The following LDLRAD4 variants were observed in gnomAD, a reference collection of about 807,000 sequenced individuals.
LDLRAD4 encodes the protein low-density lipoprotein receptor class A domain-containing protein 4.
LDLRAD4 carries 5 observed loss-of-function variants against 17.0 expected under a neutral mutation model. That is an observed-to-expected ratio of 0.29 (90% CI 0.15 to 0.62). The LOEUF (loss-of-function observed/expected upper bound fraction) is 0.62, where lower values mean the gene tolerates loss of function less well. Ranked by LOEUF, LDLRAD4 falls within the 20% of genes least tolerant of loss-of-function variation. The pLI, the probability that LDLRAD4 is intolerant of heterozygous loss-of-function variation, is 0.84. For synonymous variants in LDLRAD4, 168 were observed against 171.8 expected (o/e 0.98, Z 0.17); for missense variants, 340 against 424.7 (o/e 0.80, Z 1.75).
At chr18:13,366,721 G>A (rs1412892658) in intron 1 of LDLRAD4, among the ~76,000 whole-genome samples, 1 of 152,164 alleles carries the variant, frequency 6.6e-6, no homozygotes, top group Non-Finnish European at 1.5e-5. Context: ...GAGGGTGTTA[G>A]CTGCTGCAGT....
intron 3 of LDLRAD4, among the ~76,000 whole-genome samples, chr18:13,540,822 A>C (rs2094270984): frequency 6.6e-6 from 1 of 152,204 alleles, no homozygotes; most frequent in Non-Finnish European, 1.5e-5. Flanking sequence ...ATAAGATGGA[A>C]GGTTCTGGGT....
At chr18:13,325,104 C>T (rs983374539) in intron 1 of LDLRAD4, among the ~76,000 whole-genome samples, 2 of 152,178 alleles carry the variant, frequency 1.3e-5, no homozygotes, top group Admixed American at 6.5e-5. Context: ...GAGCTGTTAA[C>T]TTACATTGTT....
intron 1 of LDLRAD4, among the ~76,000 whole-genome samples, chr18:13,282,292 C>T (rs565157268): frequency 6.6e-6 from 1 of 152,282 alleles, no homozygotes; most frequent in Admixed American, 6.5e-5. Flanking sequence ...CCAATAGTCC[C>T]CCAAAGTCTT....
chr18:13,419,038 G>C (rs1310236091), intron 2 of LDLRAD4, among the ~76,000 whole-genome samples: 1 of 152,162 alleles, frequency 6.6e-6, no homozygotes, highest in Admixed American at 6.5e-5. Flanking sequence ...GCTTCAATTG[G>C]AATGTATTTG....
At chr18:13,611,405 CACCCCGTGATTTTCTCT>C in intron 3 of LDLRAD4, 1 of 965,760 alleles carries the variant, frequency 1.0e-6, no homozygotes, top group Non-Finnish European at 1.2e-6. Flanking sequence ...CCACCACGGC[CACCCCGTGATTTTCTCT>C]GAAAACTGCG....
At chr18:13,615,974 A>G (rs894691841) in intron 3 of LDLRAD4, 1 of 152,174 alleles carries the variant, frequency 6.6e-6, no homozygotes, top group Non-Finnish European at 1.5e-5. Flanking sequence ...CATCCTATTA[A>G]TTTTCTAAGA....
At chr18:13,299,003 A>T (rs560632676) in intron 1 of LDLRAD4, among the ~76,000 whole-genome samples, 1 of 152,192 alleles carries the variant, frequency 6.6e-6, no homozygotes, top group South Asian at 2.1e-4. Context: ...TAGAGTCATG[A>T]TTTTACGTAG....
chr18:13,470,608 C>T (rs2092741660), intron 3 of LDLRAD4, among the ~76,000 whole-genome samples: 1 of 149,310 alleles, frequency 6.7e-6, no homozygotes, highest in Admixed American at 6.7e-5. Context: ...GTTAGTGAGT[C>T]AGTCACTGTC....
In LDLRAD4 at chr18:13,484,496, G is replaced by A. The variant is rs116446894; in HGVS notation, c.181+46112G>A. 6.2e-3 allele frequency among the ~76,000 whole-genome samples: 943 copies of A among 152,058 alleles called. 11 individuals carry two copies. The highest frequency in any genetic ancestry group is 0.022 in the African/African-American group (906 of 41,468). On this transcript the variant is annotated intron_variant, in intron 3 of 5. Coordinates refer to ENST00000359446, the Ensembl canonical transcript of LDLRAD4. ...GGTTCGGTGGTGTGCCAGCTACTCC[G>A]AGCTACTTGGGAGGCTGAAGTGGGA...
intron 3 of LDLRAD4, among the ~76,000 whole-genome samples, chr18:13,478,556 A>G (rs28456105): frequency 0.054 from 8,274 of 152,332 alleles, 763 homozygotes; most frequent in African/African-American, 0.19. Context: ...CAAGAAATTA[A>G]ATACTTAGGT....
chr18:13,477,057 A>G (rs1257833651), intron 3 of LDLRAD4, among the ~76,000 whole-genome samples: 1 of 152,220 alleles, frequency 6.6e-6, no homozygotes, highest in Non-Finnish European at 1.5e-5. Flanking sequence ...TAGGCTTTGT[A>G]GGAGACTGAA....
chr18:13,507,940 A>T (rs2093720647), intron 3 of LDLRAD4, among the ~76,000 whole-genome samples: 1 of 152,114 alleles, frequency 6.6e-6, no homozygotes, highest in Non-Finnish European at 1.5e-5. Context: ...AAAGCCTGGT[A>T]GTCTGAAAGC....
intron 3 of LDLRAD4, among the ~76,000 whole-genome samples, chr18:13,582,432 C>T (rs1314583352): frequency 1.3e-5 from 2 of 152,266 alleles, no homozygotes; most frequent in Admixed American, 1.3e-4. Flanking sequence ...TGAGAGCAGC[C>T]TGCCTTTTCC....
chr18:13,409,860 G>A (rs920344151), intron 2 of LDLRAD4, among the ~76,000 whole-genome samples: 3 of 152,200 alleles, frequency 2.0e-5, no homozygotes, highest in Non-Finnish European at 4.4e-5. Context: ...TAGTCTCAAA[G>A]TGTCTTTCCA....
At position 13,279,645 on chromosome 18, in the gene LDLRAD4, A is replaced by G. The variant is rs964908051; in HGVS notation, c.-383+1457A>G. The G allele has an allele frequency of 6.6e-5, 10 of 152,230 alleles. 1 individual carries two copies. Among genetic ancestry groups the G allele is most frequent in the Admixed American group, 5.2e-4 (8 of 15,280 alleles). The allele number at this position is 152,230 out of a possible 1,614,324, so 9.4% of individuals were successfully genotyped here. On this transcript the variant is annotated intron_variant, in intron 1 of 5. Coordinates refer to ENST00000359446, the Ensembl canonical transcript of LDLRAD4. ...TTATGTGGGGTTACCTCACTCATCA[A>G]TTAGTTTAAGCAACTTTCAAAATTG...
At chr18:13,509,300 C>A (rs1434957201) in intron 3 of LDLRAD4, among the ~76,000 whole-genome samples, 2 of 152,188 alleles carry the variant, frequency 1.3e-5, no homozygotes, top group African/African-American at 2.4e-5. Flanking sequence ...GACAACAAAG[C>A]AAAACCCTGT....
intron 3 of LDLRAD4, among the ~76,000 whole-genome samples, chr18:13,536,889 T>G (rs1227052683): frequency 6.6e-6 from 1 of 152,230 alleles, no homozygotes; most frequent in African/African-American, 2.4e-5. Flanking sequence ...ATTATATGTT[T>G]TTTTCAAATA....
At chr18:13,322,020 A>G (rs975525488) in intron 1 of LDLRAD4, among the ~76,000 whole-genome samples, 5 of 151,634 alleles carry the variant, frequency 3.3e-5, no homozygotes, top group South Asian at 2.1e-4. Flanking sequence ...AAAACTAGCA[A>G]TGCTTGTTCT....
intron 3 of LDLRAD4, among the ~76,000 whole-genome samples, chr18:13,459,175 A>AGCC: frequency 2.8e-5 from 3 of 107,722 alleles, no homozygotes; most frequent in African/African-American, 8.4e-5. Context: ...AAAAAAAAAA[A>AGCC]AAAAAAAAAA....
Sources: allele counts gnomAD v4.1 joint callset (sites outside exome capture counted in the v4.1 genomes callset), GRCh38; gene constraint gnomAD v4.1.1; transcripts MANE v1.5; gene names NCBI Gene and HGNC (gene_info 2026-07-23, HGNC 2026-07-21).